CFAP77: variants seen among roughly 807,000 people sequenced by gnomAD.
CFAP77 encodes cilia- and flagella-associated protein 77.
In CFAP77, 25 loss-of-function variants were observed where a neutral mutation model predicts 31.1. The observed-to-expected ratio is 0.80, with a 90% CI of 0.59 to 1.12. The LOEUF (loss-of-function observed/expected upper bound fraction) is 1.12, where lower values mean the gene tolerates loss of function less well. Ranked by LOEUF, CFAP77 falls within the 50% of genes most tolerant of loss-of-function variation. CFAP77 has a pLI of 0.00. For synonymous variants in CFAP77, 151 were observed against 159.9 expected (o/e 0.94, Z 0.42); for missense variants, 377 against 397.3 (o/e 0.95, Z 0.44).
At chr9:132,537,409 C>T (rs1852562048) in intron 3 of CFAP77, among the ~76,000 whole-genome samples, 192 bp from the exon 4 acceptor site, 1 of 152,158 alleles carries the variant, frequency 6.6e-6, no homozygotes, top group African/African-American at 2.4e-5. Context: ...CGTCCCAGGC[C>T]CACCACTCAT....
intron 5 of CFAP77, among the ~76,000 whole-genome samples, chr9:132,557,677 A>C (rs1852925808): frequency 6.6e-6 from 1 of 152,044 alleles, no homozygotes; most frequent in African/African-American, 2.4e-5. Context: ...TTGTTCTGGC[A>C]CCCCATGCAA....
intron 1 of CFAP77, among the ~76,000 whole-genome samples, chr9:132,435,270 C>T (rs1000204728): frequency 1.3e-5 from 2 of 152,172 alleles, no homozygotes; most frequent in Non-Finnish European, 2.9e-5. Context: ...AATGTCACCA[C>T]GAGATTGCCC....
At chr9:132,412,296 T>C (rs915574688) in intron 1 of CFAP77, among the ~76,000 whole-genome samples, 1 of 152,228 alleles carries the variant, frequency 6.6e-6, no homozygotes, top group Non-Finnish European at 1.5e-5. Flanking sequence ...TCTCTGATGA[T>C]GGAGCCTGGG....
intron 1 of CFAP77, among the ~76,000 whole-genome samples, chr9:132,422,181 G>A (rs1441609547): frequency 2.6e-5 from 4 of 152,168 alleles, no homozygotes; most frequent in African/African-American, 2.4e-5. Flanking sequence ...GATAATTTTT[G>A]TATTTTTAGT....
rs553941519 is a variant in CFAP77, at chr9:132,424,437, CCCTGG to C, written c.195+13982_195+13986del. 3.9e-5 allele frequency among the ~76,000 whole-genome samples: 6 copies of C among 152,012 alleles called. No homozygotes were observed. Among genetic ancestry groups the C allele is most frequent in the Non-Finnish European group, 8.8e-5 (6 of 67,978 alleles). On this transcript the variant is annotated intron_variant, in intron 1 of 5. Transcript: ENST00000393216. The surrounding 1 kb of genome is among the most constrained non-coding windows in gnomAD (Gnocchi z 4.1). ...AAAAAGAGTTAGGAAGAGGGAGCAG[CCCTGG>C]CCTGGCCTGGTCCAGAAAGACCTGT...
At chr9:132,493,837 T>TCTTTC (rs1192278860) in intron 1 of CFAP77, among the ~76,000 whole-genome samples, 3 of 151,962 alleles carry the variant, frequency 2.0e-5, no homozygotes, top group African/African-American at 7.3e-5. Flanking sequence ...TTTCTTTTTT[T>TCTTTC]CTTTCCTTTC....
chr9:132,456,313 C>G (rs1369379125), intron 1 of CFAP77, among the ~76,000 whole-genome samples: 4 of 152,174 alleles, frequency 2.6e-5, no homozygotes, highest in South Asian at 2.1e-4. Context: ...ATCTGCTGCC[C>G]CTCTCCCAGC....
At chr9:132,440,677 G>T (rs1227216626) in intron 1 of CFAP77, among the ~76,000 whole-genome samples, 1 of 152,150 alleles carries the variant, frequency 6.6e-6, no homozygotes, top group Non-Finnish European at 1.5e-5. Flanking sequence ...ATGTTTGAGG[G>T]TTTACAAAGT....
At chr9:132,510,222 G>C (rs1852011353) in intron 3 of CFAP77, among the ~76,000 whole-genome samples, 1 of 152,184 alleles carries the variant, frequency 6.6e-6, no homozygotes, top group Non-Finnish European at 1.5e-5. Context: ...GTTCCCCTCG[G>C]AGCCTCCCAG....
chr9:132,551,860 G>A (rs868537971), intron 5 of CFAP77, among the ~76,000 whole-genome samples: 9 of 152,132 alleles, frequency 5.9e-5, no homozygotes, highest in African/African-American at 9.7e-5. Flanking sequence ...GGCTAAATGC[G>A]GGCCCGGGAA....
intron 5 of CFAP77, among the ~76,000 whole-genome samples, chr9:132,559,560 G>A (rs1274890334): frequency 1.3e-5 from 2 of 152,042 alleles, no homozygotes; most frequent in African/African-American, 4.8e-5. Flanking sequence ...GGAGAAATTG[G>A]AACACCCATA....
chr9:132,507,765 T>A (rs891504645), intron 3 of CFAP77, among the ~76,000 whole-genome samples: 40 of 152,188 alleles, frequency 2.6e-4, no homozygotes, highest in African/African-American at 9.2e-4. Flanking sequence ...CCGAGGCAGT[T>A]TCTGAAGGGC....
At chr9:132,413,817 T>TC (rs1210177501) in intron 1 of CFAP77, among the ~76,000 whole-genome samples, 2 of 152,172 alleles carry the variant, frequency 1.3e-5, no homozygotes, top group Non-Finnish European at 2.9e-5. Flanking sequence ...GTGTAAAAGA[T>TC]CGTAGCACCC....
intron 1 of CFAP77, among the ~76,000 whole-genome samples, chr9:132,438,214 A>AG (rs1220663380): frequency 7.0e-6 from 1 of 143,878 alleles, no homozygotes; most frequent in African/African-American, 2.9e-5. Flanking sequence ...AAAAAAAAAA[A>AG]AAAAAAAGAC....
chr9:132,531,562 G>A (rs1852451205), intron 3 of CFAP77, among the ~76,000 whole-genome samples: 1 of 151,216 alleles, frequency 6.6e-6, no homozygotes, highest in African/African-American at 2.4e-5. Context: ...GCTGGAGAAG[G>A]AGGCAGGAGC....
chr9:132,425,855 G>T (rs532345128), intron 1 of CFAP77, among the ~76,000 whole-genome samples: 3 of 152,186 alleles, frequency 2.0e-5, no homozygotes, highest in Admixed American at 6.5e-5. Context: ...ACAGCCACAC[G>T]GTGTGTCCGT....
intron 1 of CFAP77, among the ~76,000 whole-genome samples, chr9:132,492,350 TGG>T (rs1451750760): frequency 1.3e-3 from 198 of 152,318 alleles, no homozygotes; most frequent in African/African-American, 4.5e-3. Context: ...AGACTTTACC[TGG>T]GCTTCTCCTG....
At chr9:132,536,391 C>CTTTT (rs35488775) in intron 3 of CFAP77, among the ~76,000 whole-genome samples, 37 of 122,334 alleles carry the variant, frequency 3.0e-4, no homozygotes, top group Non-Finnish European at 5.9e-4. Flanking sequence ...GCTCATAGTT[C>CTTTT]TTTTTTTTTT....
At chr9:132,488,428 T>C (rs1272596071) in intron 1 of CFAP77, among the ~76,000 whole-genome samples, 3 of 152,106 alleles carry the variant, frequency 2.0e-5, no homozygotes, top group Non-Finnish European at 4.4e-5. Context: ...TCGTGCAAAA[T>C]CCACAAGGTC....
Sources: allele counts gnomAD v4.1 joint callset (sites outside exome capture counted in the v4.1 genomes callset), GRCh38; gene constraint gnomAD v4.1.1; non-coding constraint Gnocchi (gnomAD v3.1); transcripts MANE v1.5; gene names NCBI Gene and HGNC (gene_info 2026-07-23, HGNC 2026-07-21).